PLCB1: variants seen among roughly 807,000 people sequenced by gnomAD.
PLCB1 encodes phospholipase C beta 1.
PLCB1 carries 46 observed loss-of-function variants against 161.8 expected under a neutral mutation model. The observed-to-expected ratio is 0.28, with a 90% confidence interval of 0.22 to 0.36. The LOEUF is 0.36. Among genes scored for constraint, PLCB1 ranks in the 10% least tolerant of loss-of-function variants. PLCB1 has a pLI of 1.00. For synonymous variants in PLCB1, 517 were observed against 503.7 expected (o/e 1.03, Z -0.35); for missense variants, 1,016 against 1,472.5 (o/e 0.69, Z 5.07).
At chr20:8,793,508 C>T (rs904471212) in intron 31 of PLCB1, among the ~76,000 whole-genome samples, 7 of 151,314 alleles carry the variant, frequency 4.6e-5, no homozygotes, top group African/African-American at 7.3e-5. Context: ...GCTGGGTGTC[C>T]GGGGGAGACA....
At chr20:8,546,276 T>G (rs1184321618) in intron 3 of PLCB1, among the ~76,000 whole-genome samples, 2 of 136,588 alleles carry the variant, frequency 1.5e-5, no homozygotes, top group African/African-American at 2.8e-5. Flanking sequence ...ATCGCGCCAC[T>G]GACTCCAGCC....
At chr20:8,696,852 G>T (rs973793503) in intron 10 of PLCB1, among the ~76,000 whole-genome samples, 1 of 152,048 alleles carries the variant, frequency 6.6e-6, no homozygotes, top group African/African-American at 2.4e-5. Flanking sequence ...TCCTGCCTCA[G>T]CCTCCTGAGT....
At chr20:8,707,403 G>A (rs1327231539) in intron 11 of PLCB1, among the ~76,000 whole-genome samples, 1 of 152,132 alleles carries the variant, frequency 6.6e-6, no homozygotes, top group Non-Finnish European at 1.5e-5. Flanking sequence ...CTAAAAACAA[G>A]TGTATGGGAA....
chr20:8,797,324 A>C (rs907441955), intron 31 of PLCB1, among the ~76,000 whole-genome samples: 2 of 151,808 alleles, frequency 1.3e-5, no homozygotes, highest in Non-Finnish European at 2.9e-5. Flanking sequence ...GGCTAGATGG[A>C]TCACTTTCCT....
intron 2 of PLCB1, among the ~76,000 whole-genome samples, chr20:8,338,640 CTTT>C (rs1418380300): frequency 1.3e-5 from 2 of 152,080 alleles, no homozygotes; most frequent in African/African-American, 2.4e-5. Context: ...AACGGTTCTT[CTTT>C]AAGATATAAT....
chr20:8,557,644 C>T (rs1443311564), intron 3 of PLCB1, among the ~76,000 whole-genome samples: 3 of 151,814 alleles, frequency 2.0e-5, no homozygotes, highest in African/African-American at 7.3e-5. Context: ...CACAACACAA[C>T]ATTTTGAATT....
chr20:8,669,171 C>T (rs548938952), intron 9 of PLCB1, among the ~76,000 whole-genome samples: 26 of 152,266 alleles, frequency 1.7e-4, no homozygotes, highest in South Asian at 6.2e-4. Context: ...TTCATTCATT[C>T]GTAAATATAC....
intron 3 of PLCB1, among the ~76,000 whole-genome samples, chr20:8,452,324 A>AT (rs1325774015): frequency 1.3e-5 from 2 of 152,176 alleles, no homozygotes; most frequent in Non-Finnish European, 2.9e-5. Flanking sequence ...ACTCCCAGGA[A>AT]TTTTTTAGCC....
Position 8,352,132 on chromosome 20 carries a change from A to G in PLCB1, c.178-19250A>G, listed in dbSNP as rs183138575. ...GGACAGACAAACTGTGATATATACA[A>G]TGGAATATTATTGAGTGATAAAAAG... On this transcript the variant is annotated intron_variant, in intron 2 of 31. Transcript: ENST00000338037. 4.5e-3 allele frequency among the ~76,000 whole-genome samples: 678 copies of G among 152,268 alleles called. 9 individuals are homozygous for G. The highest frequency in any genetic ancestry group is 7.7e-3 in the Non-Finnish European group (520 of 67,962).
intron 2 of PLCB1, among the ~76,000 whole-genome samples, chr20:8,284,716 C>G (rs1026595752): frequency 6.6e-6 from 1 of 152,090 alleles, no homozygotes; most frequent in African/African-American, 2.4e-5. Context: ...TCATAACTTC[C>G]CCTGGGAATA....
At chr20:8,216,981 C>T (rs966657440) in intron 2 of PLCB1, among the ~76,000 whole-genome samples, 2 of 152,116 alleles carry the variant, frequency 1.3e-5, no homozygotes, top group Non-Finnish European at 2.9e-5. Context: ...CAAATGTGTC[C>T]TCTTGTGCGT....
chr20:8,870,175 A>G (rs1035602598), intron 31 of PLCB1, among the ~76,000 whole-genome samples: 5 of 152,174 alleles, frequency 3.3e-5, no homozygotes, highest in Non-Finnish European at 7.3e-5. Context: ...TCAATCTACC[A>G]CAGAGGAGAG....
chr20:8,677,700 G>A (rs191602213), intron 9 of PLCB1, among the ~76,000 whole-genome samples: 3 of 152,052 alleles, frequency 2.0e-5, no homozygotes, highest in Admixed American at 6.5e-5. Flanking sequence ...TCTTAACAGA[G>A]CTAAAAGACA....
At chr20:8,667,954 G>T (rs1475030732) in intron 9 of PLCB1, among the ~76,000 whole-genome samples, 1 of 152,116 alleles carries the variant, frequency 6.6e-6, no homozygotes, top group African/African-American at 2.4e-5. Context: ...GGGTCTAGGA[G>T]CAGGTTGCAG....
At chr20:8,480,256 A>G (rs1037977616) in intron 3 of PLCB1, among the ~76,000 whole-genome samples, 1 of 152,150 alleles carries the variant, frequency 6.6e-6, no homozygotes, top group African/African-American at 2.4e-5. Context: ...CTGAACAGAG[A>G]ATAAAATCCG....
chr20:8,276,258 G>C (rs1385849170), intron 2 of PLCB1, among the ~76,000 whole-genome samples: 2 of 152,176 alleles, frequency 1.3e-5, no homozygotes, highest in African/African-American at 4.8e-5. Flanking sequence ...CAGTTAAAAA[G>C]CTAGTTTTCC....
intron 9 of PLCB1, among the ~76,000 whole-genome samples, chr20:8,673,113 A>AAAAT (rs145820624): frequency 0.087 from 12,731 of 146,770 alleles, 1,173 homozygotes; most frequent in African/African-American, 0.23. Context: ...GTCCATCCCA[A>AAAAT]AAATAAATAA....
At chr20:8,830,906 T>C (rs1985949137) in intron 31 of PLCB1, among the ~76,000 whole-genome samples, 1 of 152,132 alleles carries the variant, frequency 6.6e-6, no homozygotes, top group African/African-American at 2.4e-5. Flanking sequence ...GCCATCAGTC[T>C]ATTACTGCTG....
intron 3 of PLCB1, among the ~76,000 whole-genome samples, chr20:8,375,755 T>A (rs2122361766): frequency 6.6e-6 from 1 of 152,222 alleles, no homozygotes; most frequent in Admixed American, 6.5e-5. Context: ...CTCTACTTCC[T>A]CATCTATGAA....
Sources: allele counts gnomAD v4.1 joint callset (sites outside exome capture counted in the v4.1 genomes callset), GRCh38; gene constraint gnomAD v4.1.1; transcripts MANE v1.5; gene names NCBI Gene and HGNC (gene_info 2026-07-23, HGNC 2026-07-21).